Variants in CYP39A1 observed in about 807,000 individuals in gnomAD.
The protein encoded by CYP39A1 is 24-hydroxycholesterol 7-alpha-hydroxylase.
A neutral mutation model predicts 58.1 loss-of-function variants in CYP39A1; 49 were observed. That is an observed-to-expected ratio of 0.84 (90% CI 0.67 to 1.07). CYP39A1 has a LOEUF of 1.07. CYP39A1 is among the 50% of genes least tolerant of loss of function. The pLI is 0.00. For synonymous variants in CYP39A1, 209 were observed against 187.6 expected (o/e 1.11, Z -0.93); for missense variants, 531 against 539.4 (o/e 0.98, Z 0.16).
intron 1 of CYP39A1, among the ~76,000 whole-genome samples, chr6:46,643,814 T>C (rs1776487435): frequency 6.6e-6 from 1 of 152,192 alleles, no homozygotes; most frequent in Admixed American, 6.6e-5. Flanking sequence ...CCTTTTGTTC[T>C]TTTTTTGTAT....
Position 46,580,822 on chromosome 6 carries a change from C to T in CYP39A1, c.1250+6255G>A, listed in dbSNP as rs897606016. On this transcript the variant is annotated intron_variant, in intron 10 of 11. Transcript: ENST00000275016. The stretch of plus-strand genomic sequence containing the variant: ...AGATAACGTCTCACATCATTCAGAA[C>T]GGTTATCATTAAAAAGTCAAAAAAT... Among the ~76,000 whole-genome samples, 4 of 152,010 alleles carry T rather than the reference C, an allele frequency of 2.6e-5. No homozygotes were observed. The East Asian group carries it at 5.8e-4, about 22-fold the overall frequency.
In CYP39A1 at chr6:46,642,193, G is replaced by A; in HGVS notation, c.283C>T (p.Leu95=). ...FLKSKKVDFE[L]AVQNIVYRTA... is the part of the protein sequence containing the mutation. ...CGATAAACGATATTTTGCACTGCTAGTTCAAAATCTACTTTTTTGGATTTT... is the reference window on the plus strand; with the variant it reads ...CGATAAACGATATTTTGCACTGCTAATTCAAAATCTACTTTTTTGGATTTT... Residue 95 remains leucine, a synonymous_variant, in exon 2 of 12, where the codon CTA becomes TTA. Coordinates refer to ENST00000275016, the MANE Select transcript of CYP39A1 (RefSeq NM_016593.5). The A allele has an allele frequency of 1.2e-6, 2 of 1,612,808 alleles. No homozygotes were observed. Among genetic ancestry groups the A allele is most frequent in the South Asian group, 1.1e-5 (1 of 90,998 alleles).
At chr6:46,558,867 G>A (rs543043513) in intron 10 of CYP39A1, among the ~76,000 whole-genome samples, 24 of 151,976 alleles carry the variant, frequency 1.6e-4, no homozygotes, top group African/African-American at 3.4e-4. Context: ...GTGGTGGCAC[G>A]CACCTGTAAT....
chr6:46,622,382 T>A (rs1183547773), intron 7 of CYP39A1, among the ~76,000 whole-genome samples: 2 of 152,092 alleles, frequency 1.3e-5, no homozygotes, highest in Admixed American at 1.3e-4. Flanking sequence ...GCATGTTACA[T>A]GCACACAAAC....
intron 5 of CYP39A1, among the ~76,000 whole-genome samples, chr6:46,635,983 T>A (rs1003247298): frequency 6.6e-6 from 1 of 152,196 alleles, no homozygotes; most frequent in Non-Finnish European, 1.5e-5. Flanking sequence ...CCTGGCTTTT[T>A]AAATTATACT....
Position 46,570,002 on chromosome 6 carries a change from A to C in CYP39A1, c.1251-16148T>G, listed in dbSNP as rs547726050. The stretch of plus-strand genomic sequence containing the variant: ...GAAACAGTTCATGGGCTTTTCTTTG[A>C]TAGGAGACTTTTAATTTGTGATTCA... On this transcript the variant is annotated intron_variant, in intron 10 of 11. Coordinates refer to ENST00000275016, the MANE Select transcript of CYP39A1 (RefSeq NM_016593.5). 1.1e-4 allele frequency among the ~76,000 whole-genome samples: 17 copies of C among 152,170 alleles called. No homozygotes were observed. In the East Asian group the frequency reaches 3.3e-3, roughly 29 times the overall value.
At chr6:46,572,950 A>T (rs532654769) in intron 10 of CYP39A1, among the ~76,000 whole-genome samples, 1 of 151,504 alleles carries the variant, frequency 6.6e-6, no homozygotes, top group Admixed American at 6.6e-5. Flanking sequence ...GAAGTTCCCT[A>T]TTGCATTTTT....
At chr6:46,581,762 AC>A (rs35841457) in intron 10 of CYP39A1, among the ~76,000 whole-genome samples, 1 of 152,064 alleles carries the variant, frequency 6.6e-6, no homozygotes, top group South Asian at 2.1e-4. Context: ...TTGCACATGT[AC>A]CCCCCTTGAA....
At chr6:46,587,708 C>G (rs1582343060) in intron 9 of CYP39A1, among the ~76,000 whole-genome samples, 1 of 152,086 alleles carries the variant, frequency 6.6e-6, no homozygotes, top group South Asian at 2.1e-4. Context: ...TCCTTGGAAA[C>G]CAATGACAGA....
At chr6:46,628,500 G>A (rs1271905194) in intron 6 of CYP39A1, among the ~76,000 whole-genome samples, 1 of 152,164 alleles carries the variant, frequency 6.6e-6, no homozygotes, top group African/African-American at 2.4e-5. Context: ...AAATTTCTTG[G>A]AACTTAGAAA....
chr6:46,633,907 C>T (rs977262038), intron 5 of CYP39A1, among the ~76,000 whole-genome samples: 5 of 152,098 alleles, frequency 3.3e-5, no homozygotes, highest in South Asian at 4.1e-4. Flanking sequence ...AACACACAAG[C>T]TCAGTGTGAA....
chr6:46,634,176 T>C (rs1775824929), intron 5 of CYP39A1, among the ~76,000 whole-genome samples: 1 of 152,184 alleles, frequency 6.6e-6, no homozygotes, highest in Non-Finnish European at 1.5e-5. Context: ...GCTGTTCTCG[T>C]GATGGTGAAT....
At chr6:46,556,671 T>C (rs139985907) in intron 10 of CYP39A1, among the ~76,000 whole-genome samples, 1 of 152,268 alleles carries the variant, frequency 6.6e-6, no homozygotes, top group African/African-American at 2.4e-5. Flanking sequence ...ATTAGATTAT[T>C]TTACATTAAA....
chr6:46,602,524 A>T (rs1773572071), intron 7 of CYP39A1, among the ~76,000 whole-genome samples: 1 of 151,972 alleles, frequency 6.6e-6, no homozygotes, highest in Non-Finnish European at 1.5e-5. Context: ...TAAGAACCAC[A>T]GTGCTGGACT....
At chr6:46,634,440 A>G (rs1775840595) in intron 5 of CYP39A1, among the ~76,000 whole-genome samples, 1 of 152,156 alleles carries the variant, frequency 6.6e-6, no homozygotes, top group Non-Finnish European at 1.5e-5. Context: ...ATGATTAAAA[A>G]TACCTCATTT....
intron 10 of CYP39A1, among the ~76,000 whole-genome samples, chr6:46,581,349 A>G (rs1291730525): frequency 6.6e-6 from 1 of 151,762 alleles, no homozygotes; most frequent in Non-Finnish European, 1.5e-5. Flanking sequence ...GGTTGAAGCT[A>G]CAGTGAGCTA....
intron 6 of CYP39A1, among the ~76,000 whole-genome samples, chr6:46,630,587 C>A (rs1367187158): frequency 6.6e-6 from 1 of 152,120 alleles, no homozygotes; most frequent in Non-Finnish European, 1.5e-5. Flanking sequence ...TTACTCTTTC[C>A]AATAAAAGCA....
intron 10 of CYP39A1, among the ~76,000 whole-genome samples, chr6:46,566,192 T>C (rs1462714914): frequency 6.6e-6 from 1 of 152,220 alleles, no homozygotes; most frequent in African/African-American, 2.4e-5. Flanking sequence ...GGTGATCCTA[T>C]GGTTACTCCT....
intron 11 of CYP39A1, among the ~76,000 whole-genome samples, chr6:46,553,204 T>C (rs772091687): frequency 7.2e-5 from 11 of 152,148 alleles, no homozygotes; most frequent in Non-Finnish European, 1.3e-4. Flanking sequence ...CTAGTGATGC[T>C]GATGCTCACA....
Sources: gnomAD v4.1 joint callset for allele counts (sites outside exome capture counted in the v4.1 genomes callset) on GRCh38, gnomAD v4.1.1 for gene constraint, MANE v1.5 for transcripts, NCBI Gene and HGNC (gene_info 2026-07-23, HGNC 2026-07-21) for gene names.